AADACL3: variants seen among roughly 807,000 people sequenced by gnomAD.
AADACL3 encodes arylacetamide deacetylase-like 3.
AADACL3 carries 13 observed loss-of-function variants against 13.6 expected under a neutral mutation model. The ratio of observed to expected loss-of-function variants is 0.95; its 90% CI spans 0.62 to 1.52. The LOEUF (loss-of-function observed/expected upper bound fraction) is 1.52, where lower values mean the gene tolerates loss of function less well. Ranked by LOEUF, AADACL3 falls within the 40% of genes most tolerant of loss-of-function variation. AADACL3 has a pLI of 0.00. For missense variants in AADACL3, 519 were observed against 499.2 expected (o/e 1.04, Z -0.38); for synonymous variants, 195 against 197.0 (o/e 0.99, Z 0.08).
rs1280238964 is a variant in AADACL3 at position 12,726,549 on chromosome 1, G to A, written c.*553G>A. ...TTTCCCGCTGTTTCTCAGCCTCTGG[G>A]ATCAGAGTCTTCACTGTCTGGGCTG... On this transcript the variant is annotated 3_prime_UTR_variant, in exon 4 of 4. Transcript: ENST00000359318. The A allele has an allele frequency of 6.5e-6, 1 of 152,994 alleles. No individual in the cohort carries two copies. The highest frequency in any genetic ancestry group is 1.5e-5 in the Non-Finnish European group (1 of 68,724). 9.5% of individuals were successfully genotyped at this position (152,994 alleles called of 1,614,324 possible).
intron 1 of AADACL3, among the ~76,000 whole-genome samples, chr1:12,717,931 A>G (rs1478332822): frequency 1.3e-5 from 2 of 152,162 alleles, no homozygotes; most frequent in Non-Finnish European, 1.5e-5. Context: ...CTAACTTCCA[A>G]TTGAAATTCT....
intron 3 of AADACL3, 139 bp from the exon 4 acceptor site, chr1:12,725,083 T>C: frequency 2.2e-6 from 2 of 900,472 alleles, no homozygotes; most frequent in South Asian, 1.7e-5. Flanking sequence ...TCTCATCTCA[T>C]TTAAGCCTCA....
At chr1:12,716,424 A>G in intron 1 of AADACL3, 80 bp downstream of exon 1, 2 of 1,573,592 alleles carry the variant, frequency 1.3e-6, no homozygotes, top group Middle Eastern at 1.7e-4. Flanking sequence ...GGAAGCTTCT[A>G]GCTGAATGAA....
At chr1:12,723,529 G>A (rs1638308010) in intron 3 of AADACL3, among the ~76,000 whole-genome samples, 1 of 152,176 alleles carries the variant, frequency 6.6e-6, no homozygotes, top group African/African-American at 2.4e-5. Flanking sequence ...CTAGGCTGGA[G>A]TACAGTGGTG....
Position 12,725,301 on chromosome 1 carries a change from C to A in AADACL3, c.529C>A (p.Leu177Met). Residue 177 changes from leucine (L) to methionine (M), a missense_variant, in exon 4 of 4, where the codon CTG (leucine) becomes ATG (methionine). By Grantham distance (15) the Leu-to-Met change is conservative. Transcript: ENST00000359318. ...LVATIHFLKS[L>M]DAYGVDPARV... ...GGCCACCATCCACTTCCTGAAGTCC[C>A]TGGATGCATATGGAGTGGATCCAGC... 1.2e-6 allele frequency: 2 copies of A among 1,614,126 alleles called. No individual in the cohort carries two copies. The highest frequency in any genetic ancestry group is 1.7e-6 in the Non-Finnish European group (2 of 1,180,014).
At chr1:12,721,303 G>A (rs528807995) in intron 3 of AADACL3, among the ~76,000 whole-genome samples, 35 of 152,252 alleles carry the variant, frequency 2.3e-4, no homozygotes, top group South Asian at 6.2e-4. Context: ...TTGGGAGGCC[G>A]AGGAGGAAGA....
Position 12,720,946 on chromosome 1 carries a change from G to T in AADACL3, c.449G>T (p.Gly150Val). The T allele has an allele frequency of 6.2e-7, 1 of 1,608,902 alleles. No homozygotes were observed. The highest frequency in any genetic ancestry group is 2.2e-5 in the East Asian group (1 of 44,548). ...AGTGACTCCGTGGTTCTGGCAGTTGGGTGAGTAAAGGGGAGATCCCAGGGA... is the reference window on the plus strand; with the variant it reads ...AGTGACTCCGTGGTTCTGGCAGTTGTGTGAGTAAAGGGGAGATCCCAGGGA... ...KESDSVVLAV[G>V]YRKLPKHKFP... The change falls in exon 3 of 4, where the codon GGT becomes GTT. Residue 150 changes from glycine to valine, a missense_variant and splice_region_variant. Coordinates refer to ENST00000359318, the MANE Select transcript of AADACL3 (RefSeq NM_001103170.3).
chr1:12,719,387 A>T, intron 1 of AADACL3, 88 bp from the exon 2 acceptor site: 1 of 1,292,890 alleles, frequency 7.7e-7, no homozygotes. Flanking sequence ...TCCTTTTGCC[A>T]CCTGTGGAGG....
rs1648429961 is a variant in AADACL3 at position 12,716,256 on chromosome 1, A to AT, written c.86dup (p.Thr30HisfsTer32). ...GTCACTCTGTGGGTCATTTGCAGCC[A>AT]TTTTTTCACTGTGCACATCCCTGCA... On this transcript the variant is annotated frameshift_variant, in exon 1 of 4. Coordinates refer to ENST00000359318, the MANE Select transcript of AADACL3 (RefSeq NM_001103170.3). LOFTEE classifies it high-confidence loss of function. 5.7e-6 allele frequency: 9 copies of AT among 1,577,726 alleles called. No homozygotes were observed. The highest frequency in any genetic ancestry group is 4.4e-5 in the South Asian group (4 of 90,318).
chr1:12,724,141 A>G (rs1638320745), intron 3 of AADACL3, among the ~76,000 whole-genome samples: 1 of 151,900 alleles, frequency 6.6e-6, no homozygotes, highest in Non-Finnish European at 1.5e-5. Flanking sequence ...TCCTTTTCCA[A>G]CTCACTTATT....
chr1:12,719,840 A>G (rs1648529912), intron 2 of AADACL3, 149 bp downstream of exon 2: 1 of 721,266 alleles, frequency 1.4e-6, no homozygotes, highest in Non-Finnish European at 2.3e-6. Context: ...TGAGGGGGCA[A>G]AAATATGGCA....
rs547944623 is a variant in AADACL3 at position 12,728,516 on chromosome 1, G to C, written c.*2520G>C. 6.6e-6 allele frequency: 1 copy of C among 152,346 alleles called. No homozygotes were observed. Among genetic ancestry groups the C allele is most frequent in the African/African-American group, 2.4e-5 (1 of 41,574 alleles). 9.4% of individuals were successfully genotyped at this position (152,346 alleles called of 1,614,324 possible). On this transcript the variant is annotated 3_prime_UTR_variant, in exon 4 of 4. Coordinates refer to ENST00000359318, the MANE Select transcript of AADACL3 (RefSeq NM_001103170.3). ...ATCTGAGCCTTCAGTGATTGCAGTA[G>C]CCTAGGCTACTATTTTCTATGTGGG...
chr1:12,716,407 A>G, intron 1 of AADACL3, 63 bp downstream of exon 1: 2 of 1,604,370 alleles, frequency 1.2e-6, no homozygotes, highest in Non-Finnish European at 1.7e-6. Context: ...AGGAAAAATC[A>G]CACACCGGAA....
In AADACL3 at chr1:12,720,869, C is replaced by G. The variant is rs755865972; in HGVS notation, c.386-14C>G. 7 of 1,609,574 alleles carry G rather than the reference C, an allele frequency of 4.3e-6. No individual in the cohort carries two copies. The highest frequency in any genetic ancestry group is 5.9e-6 in the Non-Finnish European group (7 of 1,176,750). ...AGCCTTCCTAGTGAATCTTAAAAACCATTTATTTTCTAGAAACCCACCATG... is the reference window on the plus strand; with the variant it reads ...AGCCTTCCTAGTGAATCTTAAAAACGATTTATTTTCTAGAAACCCACCATG... On this transcript the variant is annotated splice_polypyrimidine_tract_variant and intron_variant, in intron 2 of 3. Coordinates refer to ENST00000359318, the MANE Select transcript of AADACL3 (RefSeq NM_001103170.3).
At chr1:12,720,311 T>C (rs1648547002) in intron 2 of AADACL3, among the ~76,000 whole-genome samples, 2 of 152,192 alleles carry the variant, frequency 1.3e-5, no homozygotes, top group African/African-American at 4.8e-5. Flanking sequence ...TGGGAGCCTT[T>C]GAGAATAAAG....
chr1:12,722,209 C>T (rs1638273166), intron 3 of AADACL3, among the ~76,000 whole-genome samples: 1 of 151,810 alleles, frequency 6.6e-6, no homozygotes, highest in Non-Finnish European at 1.5e-5. Context: ...TGCCTGTAGC[C>T]CCAGCTACTC....
At chr1:12,722,144 C>T (rs3010882) in intron 3 of AADACL3, among the ~76,000 whole-genome samples, 1,681 of 151,888 alleles carry the variant, frequency 0.011, 20 homozygotes, top group African/African-American at 0.039. Flanking sequence ...CTGGCCAACA[C>T]GGTGAAACCT....
In AADACL3 at chr1:12,725,418, C is replaced by G. The variant is rs755539749; in HGVS notation, c.646C>G (p.Arg216Gly). ...LVDRPDLPRI[R>G]AQILIYAILQ... The stretch of plus-strand genomic sequence containing the variant: ...GGACAGGCCAGATCTGCCCCGGATC[C>G]GGGCTCAGATCCTGATCTATGCCAT... The change falls in exon 4 of 4, where the codon CGG becomes GGG. Residue 216 changes from arginine (R) to glycine (G), a missense_variant. Transcript: ENST00000359318. The G allele has an allele frequency of 6.2e-7, 1 of 1,613,968 alleles. No individual in the cohort carries two copies. Among genetic ancestry groups the G allele is most frequent in the Admixed American group, 1.7e-5 (1 of 59,988 alleles).
chr1:12,721,965 T>G (rs989186713), intron 3 of AADACL3, among the ~76,000 whole-genome samples: 2 of 152,144 alleles, frequency 1.3e-5, no homozygotes, highest in Non-Finnish European at 2.9e-5. Flanking sequence ...TAAAGAAATA[T>G]CAGTTCTCTG....
Sources: allele counts gnomAD v4.1 joint callset (sites outside exome capture counted in the v4.1 genomes callset), GRCh38; gene constraint gnomAD v4.1.1; transcripts MANE v1.5; gene names NCBI Gene and HGNC (gene_info 2026-07-23, HGNC 2026-07-21).